Variants in PXDNL observed in about 807,000 individuals in gnomAD.
PXDNL encodes the protein peroxidasin like.
A neutral mutation model predicts 150.8 loss-of-function variants in PXDNL; 145 were observed. The ratio of observed to expected loss-of-function variants is 0.96; its 90% CI spans 0.84 to 1.10. The LOEUF is 1.10. Ranked by LOEUF, PXDNL falls within the 50% of genes least tolerant of loss-of-function variation. PXDNL has a pLI of 0.00. For synonymous variants in PXDNL, 757 were observed against 725.7 expected (o/e 1.04, Z -0.69); for missense variants, 2,087 against 1,873.9 (o/e 1.11, Z -2.10).
chr8:51,768,970 T>C (rs939344922), intron 1 of PXDNL, among the ~76,000 whole-genome samples: 1 of 152,142 alleles, frequency 6.6e-6, no homozygotes, highest in Non-Finnish European at 1.5e-5. Flanking sequence ...GGAGTGGTGG[T>C]TGGCACCTGT....
chr8:51,738,492 C>T (rs888612715), intron 1 of PXDNL, among the ~76,000 whole-genome samples: 3 of 152,282 alleles, frequency 2.0e-5, no homozygotes, highest in South Asian at 4.2e-4. Flanking sequence ...GTCACTTCCT[C>T]AGATTAAATC....
intron 1 of PXDNL, among the ~76,000 whole-genome samples, chr8:51,667,219 T>C (rs898854913): frequency 6.6e-6 from 1 of 152,180 alleles, no homozygotes; most frequent in Non-Finnish European, 1.5e-5. Flanking sequence ...AGCCCCTCCC[T>C]TGGCTACTAT....
At chr8:51,358,923 CAG>C (rs1806616671) in intron 19 of PXDNL, among the ~76,000 whole-genome samples, 1 of 152,220 alleles carries the variant, frequency 6.6e-6, no homozygotes, top group African/African-American at 2.4e-5. Flanking sequence ...ACTGAGGACT[CAG>C]AGCAGCTTAC....
intron 2 of PXDNL, among the ~76,000 whole-genome samples, chr8:51,624,119 A>AAAAG (rs1554559267): frequency 6.7e-6 from 1 of 150,280 alleles, no homozygotes; most frequent in Non-Finnish European, 1.5e-5. Context: ...AAAAAAAAAA[A>AAAAG]AAAATCCACA....
intron 3 of PXDNL, among the ~76,000 whole-genome samples, chr8:51,580,177 G>A (rs1813175738): frequency 6.6e-6 from 1 of 152,006 alleles, no homozygotes; most frequent in Non-Finnish European, 1.5e-5. Context: ...GGAAGCGAAT[G>A]CAGCTATAAA....
chr8:51,742,094 A>G (rs967288573), intron 1 of PXDNL, among the ~76,000 whole-genome samples: 2 of 152,232 alleles, frequency 1.3e-5, no homozygotes, highest in Non-Finnish European at 2.9e-5. Context: ...TGCATGCCAC[A>G]ACTTGGCTGG....
intron 2 of PXDNL, among the ~76,000 whole-genome samples, chr8:51,595,347 T>TA (rs1397833860): frequency 1.3e-5 from 2 of 152,060 alleles, no homozygotes; most frequent in Non-Finnish European, 2.9e-5. Context: ...GCTATTTGCA[T>TA]AGTCATCAAT....
chr8:51,550,656 G>A (rs114710055), intron 4 of PXDNL, among the ~76,000 whole-genome samples: 1,601 of 152,140 alleles, frequency 0.011, 11 homozygotes, highest in South Asian at 0.014. Flanking sequence ...AACCCTCAGT[G>A]AAATTTGCAT....
At chr8:51,744,175 G>A (rs2036946814) in intron 1 of PXDNL, among the ~76,000 whole-genome samples, 1 of 142,366 alleles carries the variant, frequency 7.0e-6, no homozygotes, top group African/African-American at 2.6e-5. Flanking sequence ...AAAGAAGGAA[G>A]GAAGGTGAGA....
chr8:51,336,630 A>G (rs1472829025), intron 21 of PXDNL, among the ~76,000 whole-genome samples: 6 of 152,280 alleles, frequency 3.9e-5, no homozygotes, highest in Non-Finnish European at 7.3e-5. Flanking sequence ...GCAGTTTATC[A>G]TTGCTATCTA....
At chr8:51,651,498 C>A (rs918909488) in intron 2 of PXDNL, among the ~76,000 whole-genome samples, 13 of 152,072 alleles carry the variant, frequency 8.5e-5, no homozygotes, top group Non-Finnish European at 1.5e-4. Context: ...CAGAAATACC[C>A]CCCAACCCCT....
chr8:51,735,528 T>G (rs199945235), intron 1 of PXDNL, among the ~76,000 whole-genome samples: 322 of 2,000 alleles, frequency 0.16, 15 homozygotes, highest in South Asian at 0.27. Flanking sequence ...TAAAAATTGT[T>G]TTTTTTTTTT....
chr8:51,597,103 A>C (rs1459472537), intron 2 of PXDNL, among the ~76,000 whole-genome samples: 1 of 152,206 alleles, frequency 6.6e-6, no homozygotes, highest in African/African-American at 2.4e-5. Context: ...GTAGGGGTCA[A>C]GTTTCATTCT....
intron 12 of PXDNL, among the ~76,000 whole-genome samples, chr8:51,427,174 C>G (rs1403640902): frequency 6.6e-6 from 1 of 152,142 alleles, no homozygotes; most frequent in African/African-American, 2.4e-5. Context: ...AAAACACAAA[C>G]TACCATAACA....
chr8:51,339,652 T>G lies in PXDNL; in HGVS notation c.4118A>C (p.Gln1373Pro). The change falls in exon 21 of 23, where the codon CAG becomes CCG. Residue 1373 changes from glutamine (Q) to proline (P), a missense_variant. Transcript: ENST00000356297. ...CTCTCTGAGTGCTGTGATGGTTTCC[T>G]GAATTTCCGCTGCAAACGTGCTGAA... Reference protein sequence around the residue: ...QDFSTFAAEIQETITALREQI... With the variant: ...QDFSTFAAEIPETITALREQI... The G allele has an allele frequency of 6.2e-7, 1 of 1,613,802 alleles. No individual in the cohort carries two copies. The highest frequency in any genetic ancestry group is 8.5e-7 in the Non-Finnish European group (1 of 1,179,796).
chr8:51,749,552 G>A (rs1403382460), intron 1 of PXDNL, among the ~76,000 whole-genome samples: 1 of 152,196 alleles, frequency 6.6e-6, no homozygotes, highest in Admixed American at 6.5e-5. Flanking sequence ...CCTGCATAGG[G>A]CACTCACTTT....
chr8:51,729,313 A>C (rs1319811341), intron 1 of PXDNL, among the ~76,000 whole-genome samples: 1 of 74,278 alleles, frequency 1.3e-5, no homozygotes, highest in Non-Finnish European at 2.9e-5. Flanking sequence ...AATAAAACTC[A>C]ACAATAAGAA....
chr8:51,768,584 T>C (rs1028933106), intron 1 of PXDNL, among the ~76,000 whole-genome samples: 1 of 152,158 alleles, frequency 6.6e-6, no homozygotes, highest in African/African-American at 2.4e-5. Flanking sequence ...ATAATTATAT[T>C]AATACAGGGC....
intron 4 of PXDNL, among the ~76,000 whole-genome samples, chr8:51,503,207 T>C (rs1326788855): frequency 1.3e-5 from 2 of 152,142 alleles, no homozygotes; most frequent in Admixed American, 1.3e-4. Context: ...CTGCTGGACT[T>C]CAATCTAATA....
Sources: gnomAD v4.1 joint callset for allele counts (sites outside exome capture counted in the v4.1 genomes callset) on GRCh38, gnomAD v4.1.1 for gene constraint, MANE v1.5 for transcripts, NCBI Gene and HGNC (gene_info 2026-07-23, HGNC 2026-07-21) for gene names.